Variants in SREK1IP1 observed in about 807,000 individuals in gnomAD.
SREK1IP1 encodes the protein SREK1 interacting protein 1.
A neutral mutation model predicts 22.8 loss-of-function variants in SREK1IP1; 12 were observed. The observed-to-expected ratio is 0.53, with a 90% CI of 0.34 to 0.85. The LOEUF is 0.85. Ranked by LOEUF, SREK1IP1 falls within the 40% of genes least tolerant of loss-of-function variation. The pLI, the probability that SREK1IP1 is intolerant of heterozygous loss-of-function variation, is 0.02. For synonymous variants in SREK1IP1, 53 were observed against 52.7 expected, an observed-to-expected ratio of 1.01 and a Z score of -0.02; for missense variants, 147 against 171.8, an observed-to-expected ratio of 0.86 and a Z score of 0.81.
intron 1 of SREK1IP1, chr5:64,754,701 C>T (rs1231932118): frequency 9.7e-6 from 2 of 205,526 alleles, no homozygotes; most frequent in East Asian, 1.1e-4. Flanking sequence ...TGGCCTCAAG[C>T]GATCCTCCTC....
At chr5:64,759,743 G>A (rs1306788842) in intron 1 of SREK1IP1, among the ~76,000 whole-genome samples, 4 of 152,154 alleles carry the variant, frequency 2.6e-5, no homozygotes, top group African/African-American at 9.7e-5. Context: ...CAAACATGTG[G>A]AGATATGCTC....
chr5:64,757,489 A>T (rs779994579), intron 1 of SREK1IP1, among the ~76,000 whole-genome samples: 1 of 152,224 alleles, frequency 6.6e-6, no homozygotes, highest in Non-Finnish European at 1.5e-5. Context: ...TTGGGGAAAA[A>T]TTTGAGCATA....
At chr5:64,762,311 T>G (rs1742964613) in intron 1 of SREK1IP1, among the ~76,000 whole-genome samples, 1 of 152,220 alleles carries the variant, frequency 6.6e-6, no homozygotes, top group East Asian at 1.9e-4. Flanking sequence ...CCCATTCTTT[T>G]CATTTTTAAT....
chr5:64,755,473 C>T (rs1291527386), intron 1 of SREK1IP1, among the ~76,000 whole-genome samples: 1 of 152,068 alleles, frequency 6.6e-6, no homozygotes, highest in Non-Finnish European at 1.5e-5. Flanking sequence ...AACCAAATAC[C>T]ACATGTTCTC....
At chr5:64,760,216 T>A (rs1168506470) in intron 1 of SREK1IP1, among the ~76,000 whole-genome samples, 1 of 152,230 alleles carries the variant, frequency 6.6e-6, no homozygotes, top group East Asian at 1.9e-4. Context: ...GTTTATGGCA[T>A]GCTGCCATTC....
chr5:64,737,765 G>A (rs1421839788), intron 3 of SREK1IP1, among the ~76,000 whole-genome samples: 1 of 151,982 alleles, frequency 6.6e-6, no homozygotes, highest in Non-Finnish European at 1.5e-5. Context: ...ATAAAGGGGT[G>A]TTATATAAAT....
rs760179828 is a variant in SREK1IP1, at chr5:64,749,106, TAAA to T, written c.61+5206_61+5208del. Among the ~76,000 whole-genome samples, 31 of 141,024 alleles carry T rather than the reference TAAA, an allele frequency of 2.2e-4. No homozygotes were observed. In the East Asian group the frequency reaches 3.1e-3, roughly 14 times the overall value. The allele number at this position is 141,024 out of a possible 152,430, so 92.5% of individuals were successfully genotyped here. ...ATAATAATAATAATAATAATAATAA[TAAA>T]AACCCTCCAGTTTCATGTTTCATTT... is the stretch of plus-strand genomic sequence containing the variant. On this transcript the variant is annotated intron_variant, in intron 2 of 4. Transcript: ENST00000513458.
intron 3 of SREK1IP1, among the ~76,000 whole-genome samples, chr5:64,734,452 C>T (rs542606880): frequency 2.0e-5 from 3 of 151,154 alleles, no homozygotes; most frequent in Non-Finnish European, 4.4e-5. Flanking sequence ...CTTGGCTTGT[C>T]GGTTTCTCAA....
At position 64,728,126 on chromosome 5, in the gene SREK1IP1, AT is replaced by A. The variant is rs1458330291; in HGVS notation, c.258del (p.Lys86AsnfsTer2). On this transcript the variant is annotated frameshift_variant, in exon 4 of 5. Coordinates refer to ENST00000513458, the MANE Select transcript of SREK1IP1 (RefSeq NM_173829.4). LOFTEE classifies it high-confidence loss of function. ...KKKEKSKEKI[K>X]LKKKRKRSYS... The stretch of plus-strand genomic sequence containing the variant: ...AAATACCTTTTCCTTTTTTTTTTCA[AT>A]TTGATTTTTTCTTTGCTTTTTTCTT... 3 of 1,411,500 alleles carry A rather than the reference AT, an allele frequency of 2.1e-6. No homozygotes were observed. The African/African-American group carries it at 4.7e-5, about 22-fold the overall frequency. The allele number at this position is 1,411,500 out of a possible 1,614,324, so 87.4% of individuals were successfully genotyped here.
intron 1 of SREK1IP1, among the ~76,000 whole-genome samples, chr5:64,758,091 T>A (rs1244100047): frequency 6.6e-6 from 1 of 151,950 alleles, no homozygotes; most frequent in Non-Finnish European, 1.5e-5. Flanking sequence ...TTAGCCAGGA[T>A]GGTCTCGATC....
intron 2 of SREK1IP1, among the ~76,000 whole-genome samples, chr5:64,746,177 T>C (rs899921811): frequency 3.9e-5 from 6 of 152,156 alleles, no homozygotes; most frequent in African/African-American, 1.4e-4. Context: ...TGGGAAAGAA[T>C]GTAGTTGGAC....
Position 64,754,297 on chromosome 5 carries a change from A to T in SREK1IP1, c.61+18T>A. The T allele has an allele frequency of 6.2e-7, 1 of 1,612,766 alleles. No individual in the cohort carries two copies. Among genetic ancestry groups the T allele is most frequent in the Non-Finnish European group, 8.5e-7 (1 of 1,178,824 alleles). On this transcript the variant is annotated intron_variant, in intron 2 of 4. Transcript: ENST00000513458. The stretch of plus-strand genomic sequence containing the variant: ...CAGTATGAATAATGCAAAGCATGTC[A>T]TCTTTTAGAATACTTACGGTAGCCA...
At chr5:64,760,235 A>G (rs1452312897) in intron 1 of SREK1IP1, among the ~76,000 whole-genome samples, 3 of 152,250 alleles carry the variant, frequency 2.0e-5, no homozygotes, top group Non-Finnish European at 4.4e-5. Flanking sequence ...TCGTATAAAA[A>G]AAAGAAGATG....
chr5:64,754,306 A>T lies in SREK1IP1; in HGVS notation c.61+9T>A. ...TAATGCAAAGCATGTCATCTTTTAG[A>T]ATACTTACGGTAGCCACATTTTTTA... On this transcript the variant is annotated intron_variant, in intron 2 of 4. Transcript: ENST00000513458. 1 of 1,613,574 alleles carries T rather than the reference A, an allele frequency of 6.2e-7. No homozygotes were observed. Among genetic ancestry groups the T allele is most frequent in the Admixed American group, 1.7e-5 (1 of 60,020 alleles).
chr5:64,726,258 G>A (rs575191109), intron 4 of SREK1IP1, among the ~76,000 whole-genome samples: 2 of 152,158 alleles, frequency 1.3e-5, no homozygotes, highest in Non-Finnish European at 2.9e-5. Flanking sequence ...GCACAGAAAA[G>A]TTAATTTAAT....
chr5:64,748,290 T>A (rs1048628670), intron 2 of SREK1IP1, among the ~76,000 whole-genome samples: 7 of 152,150 alleles, frequency 4.6e-5, no homozygotes, highest in Non-Finnish European at 7.4e-5. Flanking sequence ...ATATCTAGAA[T>A]AGGCAAATTC....
intron 1 of SREK1IP1, chr5:64,765,250 C>T (rs558497223): frequency 6.6e-6 from 1 of 152,292 alleles, no homozygotes; most frequent in African/African-American, 2.4e-5. Context: ...GCATTACCTA[C>T]ATAATGGTAT....
chr5:64,765,046 T>C (rs1046140328), intron 1 of SREK1IP1: 3 of 152,226 alleles, frequency 2.0e-5, no homozygotes, highest in African/African-American at 7.2e-5. Flanking sequence ...GTAACATACG[T>C]TGCCACTTGT....
At position 64,761,766 on chromosome 5, in the gene SREK1IP1, G is replaced by A. The variant is rs544472432; in HGVS notation, c.13+6739C>T. ...CCCAGTTGCCAGCTAAGAAATACGC[G>A]TGTGCGTATACACACACACTCAATT... is the stretch of plus-strand genomic sequence containing the variant. On this transcript the variant is annotated intron_variant, in intron 1 of 4. Coordinates refer to ENST00000513458, the MANE Select transcript of SREK1IP1 (RefSeq NM_173829.4). Among the ~76,000 whole-genome samples, 16 of 152,300 alleles carry A rather than the reference G, an allele frequency of 1.1e-4. No homozygotes were observed. In the East Asian group the frequency reaches 1.9e-3, roughly 18 times the overall value.
Sources: allele counts gnomAD v4.1 joint callset (sites outside exome capture counted in the v4.1 genomes callset), GRCh38; gene constraint gnomAD v4.1.1; transcripts MANE v1.5; gene names NCBI Gene and HGNC (gene_info 2026-07-23, HGNC 2026-07-21).